The following KIF7 variants were observed in gnomAD, a reference collection of about 807,000 sequenced individuals.
KIF7 encodes the protein kinesin-like protein KIF7.
KIF7 carries 104 observed loss-of-function variants against 135.7 expected under a neutral mutation model. The observed-to-expected ratio is 0.77, with a 90% confidence interval of 0.65 to 0.90. The LOEUF (loss-of-function observed/expected upper bound fraction) is 0.90, where lower values mean the gene tolerates loss of function less well. KIF7 is among the 40% of genes least tolerant of loss of function. The pLI is 0.00. For missense variants in KIF7, 2,005 were observed against 1,839.1 expected (o/e 1.09, Z -1.65); for synonymous variants, 883 against 809.4 (o/e 1.09, Z -1.54).
chr15:89,630,161 G>C, intron 16 of KIF7, 126 bp downstream of exon 16: 1 of 860,954 alleles, frequency 1.2e-6, no homozygotes, highest in Non-Finnish European at 1.9e-6. Context: ...CCCTGCAGAT[G>C]AGTTGGTCCT....
At chr15:89,621,494 C>T (rs751158792) in intron 1 of KIF7, 5 of 1,613,924 alleles carry the variant, frequency 3.1e-6, no homozygotes, top group South Asian at 1.1e-5. Context: ...GGGTTCAGCT[C>T]GAATGAAAAA....
At chr15:89,647,843 C>T (rs1197023679) in intron 5 of KIF7, 131 bp from the exon 6 acceptor site, 1 of 779,222 alleles carries the variant, frequency 1.3e-6, no homozygotes, top group Non-Finnish European at 2.0e-6. Flanking sequence ...TCCAGACCCA[C>T]TGGTGGGAGG....
downstream of KIF7, chr15:89,626,020 TC>T (rs760907374): frequency 1.2e-6 from 2 of 1,613,724 alleles, no homozygotes; most frequent in African/African-American, 2.7e-5. Context: ...CCGCTGCTGT[TC>T]CAGGGGAAAA....
intron 18 of KIF7, 26 bp from the exon 19 acceptor site, chr15:89,628,812 A>C: frequency 6.2e-7 from 1 of 1,611,752 alleles, no homozygotes; most frequent in Non-Finnish European, 8.5e-7. Context: ...ACGTGTCCTC[A>C]TCAGAAACAG....
chr15:89,629,179 AGGGCTGTGGGGGTGGGGGCTGT>A (rs1232807681), intron 17 of KIF7, 57 bp from the exon 18 acceptor site: 3 of 938,938 alleles, frequency 3.2e-6, no homozygotes, highest in East Asian at 5.6e-5. Flanking sequence ...GCAGGCGGCC[AGGGCTGTGGGGGTGGGGGCTGT>A]GGGCTGGGTG....
rs1243098227 is a variant in KIF7 at position 89,633,153 on chromosome 15, C to T, written c.2706G>A (p.Leu902=). Residue 902 remains leucine (L), a synonymous_variant, in exon 13 of 19, where the codon CTG becomes CTA. Coordinates refer to ENST00000394412, the MANE Select transcript of KIF7 (RefSeq NM_198525.3). ...RSGSNGSVVS[L]EQQQKIEEQK... ...AGCCTGGCCCCACCTGCTGCTGTTC[C>T]AGGCTGACCACAGAGCCGTTGCTGC... is the stretch of plus-strand genomic sequence containing the variant. 1.2e-6 allele frequency: 2 copies of T among 1,603,490 alleles called. No individual in the cohort carries two copies. Among genetic ancestry groups the T allele is most frequent in the Non-Finnish European group, 1.7e-6 (2 of 1,179,698 alleles).
In KIF7 at chr15:89,621,679, C is replaced by G. The variant is rs17236115; in HGVS notation, c.181-3484G>C. ...AGATAATACTAGAGATTGGAGGTGA[C>G]TGGGTGGAGCCACATGAATGATTAT... On this transcript the variant is annotated intron_variant and NMD_transcript_variant, in intron 1 of 2. Coordinates refer to the KIF7 transcript ENST00000558928. 62,721 of 751,252 alleles carry G rather than the reference C, an allele frequency of 0.083. 2,995 individuals are homozygous for G. Among genetic ancestry groups the G allele is most frequent in the Non-Finnish European group, 0.097 (46,369 of 479,960 alleles). 46.5% of individuals were successfully genotyped at this position (751,252 alleles called of 1,614,324 possible).
Position 89,628,731 on chromosome 15 carries a change from ATCT to A in KIF7, c.3717_3719del (p.Glu1239del), listed in dbSNP as rs768596111. 1.9e-6 allele frequency: 3 copies of A among 1,612,792 alleles called. No homozygotes were observed. The highest frequency in any genetic ancestry group is 2.5e-6 in the Non-Finnish European group (3 of 1,179,866). On this transcript the variant is annotated inframe_deletion, in exon 19 of 19. Transcript: ENST00000394412. The stretch of plus-strand genomic sequence containing the variant: ...GAAGCTCGGGTGCCAGGTGGAGCTC[ATCT>A]TCATTTCCAGGAGCCTGTCTGCCCT...
At chr15:89,649,496 G>T in intron 3 of KIF7, 129 bp from the exon 4 acceptor site, 1 of 1,153,304 alleles carries the variant, frequency 8.7e-7, no homozygotes, top group Non-Finnish European at 1.2e-6. Flanking sequence ...ATGCCCACGG[G>T]GTACTGCCCT....
At chr15:89,643,526 G>C (rs1458649440) in intron 10 of KIF7, among the ~76,000 whole-genome samples, 1 of 152,222 alleles carries the variant, frequency 6.6e-6, no homozygotes, top group Non-Finnish European at 1.5e-5. Flanking sequence ...TGTGGAGCCT[G>C]ATTCAAGCGA....
chr15:89,647,565 C>A (rs1420490471), intron 6 of KIF7, 31 bp downstream of exon 6: 2 of 1,576,402 alleles, frequency 1.3e-6, no homozygotes, highest in South Asian at 2.2e-5. Context: ...CTCTGGGAAG[C>A]CTTCCCCGCA....
downstream of KIF7, among the ~76,000 whole-genome samples, chr15:89,626,341 CTA>C (rs1963526002): frequency 6.6e-6 from 1 of 152,198 alleles, no homozygotes; most frequent in Non-Finnish European, 1.5e-5. Flanking sequence ...CATCTGCAGT[CTA>C]AGAATCTGAA....
At chr15:89,642,174 G>A (rs2142016737) in intron 11 of KIF7, 29 bp downstream of exon 11, 4 of 1,605,080 alleles carry the variant, frequency 2.5e-6, no homozygotes, top group Non-Finnish European at 3.4e-6. Context: ...AGTCACCCCA[G>A]CACCCCACCC....
chr15:89,649,435 A>G, intron 3 of KIF7, 68 bp from the exon 4 acceptor site: 1 of 1,424,806 alleles, frequency 7.0e-7, no homozygotes, highest in Non-Finnish European at 9.2e-7. Context: ...GAGGGCAGGC[A>G]GAGCAGAACT....
At chr15:89,626,071 G>C, downstream of KIF7, 1 of 1,613,478 alleles carries the variant, frequency 6.2e-7, no homozygotes, top group South Asian at 1.1e-5. Context: ...GGTAATGTTT[G>C]TTGAAGGTCT....
At position 89,648,542 on chromosome 15, in the gene KIF7, G is replaced by A; in HGVS notation, c.1156C>T (p.His386Tyr). 3 of 1,302,622 alleles carry A rather than the reference G, an allele frequency of 2.3e-6. No individual in the cohort carries two copies. Among genetic ancestry groups the A allele is most frequent in the South Asian group, 1.7e-5 (1 of 57,934 alleles). The allele number at this position is 1,302,622 out of a possible 1,614,324, so 80.7% of individuals were successfully genotyped here. ...GGGCCTGGGGCGCGCCGGCCGCGGT[G>A]GATGATGCGGGTCTCGGAGCGGTGC... ...PRHRSETRIIHRGRRAPGPAT... is the reference protein window; with the variant it reads ...PRHRSETRIIYRGRRAPGPAT... Residue 386 changes from histidine to tyrosine, a missense_variant, in exon 5 of 19, where the codon CAC (histidine) becomes TAC (tyrosine). His to Tyr is a moderately conservative substitution (Grantham distance 83). Coordinates refer to ENST00000394412, the MANE Select transcript of KIF7 (RefSeq NM_198525.3).
intron 11 of KIF7, among the ~76,000 whole-genome samples, chr15:89,641,919 C>T (rs1397056586): frequency 2.6e-5 from 4 of 152,134 alleles, no homozygotes; most frequent in Non-Finnish European, 5.9e-5. Context: ...GACCGGGAGA[C>T]AGAGGACTGC....
rs954983148 is a variant in KIF7, at chr15:89,648,978, T to A, written c.919A>T (p.Thr307Ser). The A allele has an allele frequency of 2.8e-5, 43 of 1,535,538 alleles. No homozygotes were observed. In the African/African-American group the frequency reaches 4.7e-4, roughly 17 times the overall value. Reference protein sequence around the residue: ...SHIPYRDSKITRILKDSLGGN... With the variant: ...SHIPYRDSKISRILKDSLGGN... The stretch of plus-strand genomic sequence containing the variant: ...AGGAGCCAGGGGGCAGCTCACCGGG[T>A]GATCTTGGAGTCGCGGTAGGGTATG... Residue 307 changes from threonine to serine, a missense_variant, in exon 4 of 19, where the codon ACC becomes TCC. Coordinates refer to ENST00000394412, the MANE Select transcript of KIF7 (RefSeq NM_198525.3).
At chr15:89,655,181 C>G (rs990711177) in intron 1 of KIF7, among the ~76,000 whole-genome samples, 2 of 152,226 alleles carry the variant, frequency 1.3e-5, no homozygotes, top group African/African-American at 4.8e-5. Context: ...GGATGCCGGC[C>G]TCAGCCCCCA....
Sources: allele counts gnomAD v4.1 joint callset (sites outside exome capture counted in the v4.1 genomes callset), GRCh38; gene constraint gnomAD v4.1.1; transcripts MANE v1.5; gene names NCBI Gene and HGNC (gene_info 2026-07-23, HGNC 2026-07-21).